Variants in ARHGAP12 observed in about 807,000 individuals in gnomAD.
The protein encoded by ARHGAP12 is rho GTPase-activating protein 12.
Under a neutral mutation model 108.6 loss-of-function variants are expected in ARHGAP12, and 64 were observed. That is an observed-to-expected ratio of 0.59 (90% confidence interval 0.48 to 0.73). The LOEUF (loss-of-function observed/expected upper bound fraction) is 0.73, where lower values mean the gene tolerates loss of function less well. Among genes scored for constraint, ARHGAP12 ranks in the 30% least tolerant of loss-of-function variants. The pLI, the probability that ARHGAP12 is intolerant of heterozygous loss-of-function variation, is 0.00. For synonymous variants in ARHGAP12, 312 were observed against 337.2 expected (o/e 0.93, Z 0.82); for missense variants, 940 against 1,005.9 (o/e 0.93, Z 0.89).
rs1224060334 is a variant in ARHGAP12 at position 31,805,637 on chromosome 10, C to CA, written c.*2020dup. Reference sequence around the variant, plus strand: ...ACTGATTAGCTGTAGACTAATAAAACATTTAAGACTTCACACACACACACA... The same window carrying CA: ...ACTGATTAGCTGTAGACTAATAAAACAATTTAAGACTTCACACACACACACA... On this transcript the variant is annotated 3_prime_UTR_variant, in exon 20 of 20. Transcript: ENST00000344936. 1 of 130,586 alleles carries CA rather than the reference C, an allele frequency of 7.7e-6. No individual in the cohort carries two copies. The highest frequency in any genetic ancestry group is 8.5e-5 in the Admixed American group (1 of 11,786). 8.1% of individuals were successfully genotyped at this position (130,586 alleles called of 1,614,324 possible).
intron 6 of ARHGAP12, among the ~76,000 whole-genome samples, chr10:31,846,703 C>A (rs181699118): frequency 1.3e-5 from 2 of 152,166 alleles, no homozygotes; most frequent in Non-Finnish European, 2.9e-5. Context: ...ATATGGATTT[C>A]TTTGGGTTTA....
At chr10:31,902,902 G>T (rs138742109) in intron 3 of ARHGAP12, among the ~76,000 whole-genome samples, 2 of 152,184 alleles carry the variant, frequency 1.3e-5, no homozygotes, top group African/African-American at 4.8e-5. Flanking sequence ...TGAGAGTAAA[G>T]CAGATTGCCC....
At chr10:31,921,825 C>A (rs1592389867) in intron 1 of ARHGAP12, among the ~76,000 whole-genome samples, 1 of 134,924 alleles carries the variant, frequency 7.4e-6, no homozygotes, top group South Asian at 2.3e-4. Flanking sequence ...AAGATGAGAG[C>A]AGAAAGCAAT....
rs116702671 is a variant in ARHGAP12 at position 31,865,591 on chromosome 10, G to A, written c.685-3933C>T. Among the ~76,000 whole-genome samples the A allele has an allele frequency of 6.9e-3, 1,052 of 152,010 alleles. 12 individuals are homozygous for A. Among genetic ancestry groups the A allele is most frequent in the African/African-American group, 0.024 (1,011 of 41,444 alleles). On this transcript the variant is annotated intron_variant, in intron 3 of 19. Transcript: ENST00000344936. Reference sequence around the variant, plus strand: ...CAGTTCCCAATTTACAAAAATCAGGGCTGGCCAGGCGCGGCGACTCACGCC... The same window carrying A: ...CAGTTCCCAATTTACAAAAATCAGGACTGGCCAGGCGCGGCGACTCACGCC...
chr10:31,910,346 G>C (rs1385702127), intron 2 of ARHGAP12, among the ~76,000 whole-genome samples, 179 bp downstream of exon 2: 3 of 152,128 alleles, frequency 2.0e-5, no homozygotes, highest in Non-Finnish European at 4.4e-5. Flanking sequence ...TACACTACAG[G>C]TGTAGTAACC....
chr10:31,849,592 G>C (rs1382584153), intron 6 of ARHGAP12, among the ~76,000 whole-genome samples: 1 of 152,208 alleles, frequency 6.6e-6, no homozygotes. Context: ...TTATCATGCA[G>C]TAACAATCCA....
chr10:31,853,541 C>A (rs572586262), intron 5 of ARHGAP12, among the ~76,000 whole-genome samples: 1 of 152,288 alleles, frequency 6.6e-6, no homozygotes, highest in Non-Finnish European at 1.5e-5. Context: ...CCCACTTATT[C>A]CCAAGCATAT....
chr10:31,834,865 C>A (rs975287253), intron 9 of ARHGAP12, among the ~76,000 whole-genome samples: 1 of 151,958 alleles, frequency 6.6e-6, no homozygotes, highest in African/African-American at 2.4e-5. Flanking sequence ...AATAAATAGG[C>A]AGATGGGTAA....
chr10:31,839,901 AT>A (rs1471960007), intron 7 of ARHGAP12, among the ~76,000 whole-genome samples, 190 bp from the exon 8 acceptor site: 1 of 152,158 alleles, frequency 6.6e-6, no homozygotes, highest in Non-Finnish European at 1.5e-5. Context: ...TTTATAAAAT[AT>A]GGTGCTTTTT....
At chr10:31,809,156 T>A in intron 17 of ARHGAP12, 28 bp from the exon 18 acceptor site, 1 of 1,612,838 alleles carries the variant, frequency 6.2e-7, no homozygotes, top group Non-Finnish European at 8.5e-7. Flanking sequence ...TTGGACATTT[T>A]AAAAAATTAC....
chr10:31,879,603 C>T (rs942045881), intron 3 of ARHGAP12, among the ~76,000 whole-genome samples: 1 of 152,164 alleles, frequency 6.6e-6, no homozygotes, highest in Non-Finnish European at 1.5e-5. Context: ...CCAAATATTT[C>T]TCCTCTGACC....
intron 3 of ARHGAP12, among the ~76,000 whole-genome samples, chr10:31,874,016 T>C (rs1837633400): frequency 6.6e-6 from 1 of 152,206 alleles, no homozygotes; most frequent in Non-Finnish European, 1.5e-5. Flanking sequence ...AGAGAATGAC[T>C]AAAGAATACT....
At chr10:31,831,633 TGA>T (rs896090798) in intron 10 of ARHGAP12, 104 bp downstream of exon 10, 5 of 650,980 alleles carry the variant, frequency 7.7e-6, no homozygotes, top group Non-Finnish European at 9.7e-6. Flanking sequence ...AAACAAATGG[TGA>T]GAGATTCTTC....
intron 3 of ARHGAP12, among the ~76,000 whole-genome samples, chr10:31,907,459 TA>T (rs1000444016): frequency 8.0e-4 from 91 of 113,898 alleles, no homozygotes; most frequent in Non-Finnish European, 7.8e-4. Flanking sequence ...ATCCTGTCTC[TA>T]AAAAAAAAAA....
Position 31,888,786 on chromosome 10 carries a change from GCACA to G in ARHGAP12, c.684+19382_684+19385del, listed in dbSNP as rs1295130185. Reference sequence around the variant, plus strand: ...TGCATCTAGGAATCATGAGGTAAAAGCACACAGAGTTTAGGAAAAAAAGGTTAAG... The same window carrying G: ...TGCATCTAGGAATCATGAGGTAAAAGCAGAGTTTAGGAAAAAAAGGTTAAG... On this transcript the variant is annotated intron_variant, in intron 3 of 19. Coordinates refer to ENST00000344936, the MANE Select transcript of ARHGAP12 (RefSeq NM_018287.7). 3.3e-5 allele frequency among the ~76,000 whole-genome samples: 5 copies of G among 152,186 alleles called. No homozygotes were observed. In the East Asian group the frequency reaches 9.7e-4, roughly 29 times the overall value.
At chr10:31,854,311 C>T (rs1592292282) in intron 4 of ARHGAP12, 105 bp from the exon 5 acceptor site, 1 of 944,556 alleles carries the variant, frequency 1.1e-6, no homozygotes, top group East Asian at 2.8e-5. Context: ...ATGAAGATAT[C>T]TTAAATATAT....
chr10:31,905,507 T>C (rs533619365), intron 3 of ARHGAP12, among the ~76,000 whole-genome samples: 115 of 152,184 alleles, frequency 7.6e-4, no homozygotes, highest in Non-Finnish European at 1.3e-3. Flanking sequence ...GAGTGGGAAA[T>C]GAGCAAGTGC....
At chr10:31,819,832 A>G (rs1320802416) in intron 12 of ARHGAP12, among the ~76,000 whole-genome samples, 1 of 152,178 alleles carries the variant, frequency 6.6e-6, no homozygotes, top group Non-Finnish European at 1.5e-5. Flanking sequence ...GGCCAGGCTG[A>G]GCAAACAAAA....
intron 7 of ARHGAP12, among the ~76,000 whole-genome samples, chr10:31,840,891 T>C (rs1431467037): frequency 6.6e-6 from 1 of 152,074 alleles, no homozygotes; most frequent in East Asian, 1.9e-4. Context: ...AATAAAAAAC[T>C]TCAAAAAAAT....
Sources: gnomAD v4.1 joint callset for allele counts (sites outside exome capture counted in the v4.1 genomes callset) on GRCh38, gnomAD v4.1.1 for gene constraint, MANE v1.5 for transcripts, NCBI Gene and HGNC (gene_info 2026-07-23, HGNC 2026-07-21) for gene names.